MBD2: variants seen among roughly 807,000 people sequenced by gnomAD.
MBD2 encodes the protein methyl-CpG-binding domain protein 2.
A neutral mutation model predicts 39.3 loss-of-function variants in MBD2; 9 were observed. That is an observed-to-expected ratio of 0.23 (90% confidence interval 0.14 to 0.40). MBD2 has a LOEUF of 0.40. Among genes scored for constraint, MBD2 ranks in the 10% least tolerant of loss-of-function variants. The pLI, the probability that MBD2 is intolerant of heterozygous loss-of-function variation, is 1.00. For missense variants in MBD2, 458 were observed against 532.6 expected (o/e 0.86, Z 1.38); for synonymous variants, 233 against 211.1 (o/e 1.10, Z -0.90).
Position 54,151,883 on chromosome 18 carries a change from A to G in MBD2, c.*3441T>C, listed in dbSNP as rs986171581. On this transcript the variant is annotated 3_prime_UTR_variant, in exon 7 of 7. Transcript: ENST00000256429. ...GCCACCAAGGGCATTTCTTTCCTTTATAATACATACAGCTTCTAACACTTT... is the reference window on the plus strand; with the variant it reads ...GCCACCAAGGGCATTTCTTTCCTTTGTAATACATACAGCTTCTAACACTTT... 3.3e-5 allele frequency: 5 copies of G among 149,572 alleles called. No homozygotes were observed. Among genetic ancestry groups the G allele is most frequent in the African/African-American group, 1.2e-4 (5 of 40,896 alleles). The allele number at this position is 149,572 out of a possible 1,614,324, so 9.3% of individuals were successfully genotyped here.
At chr18:54,222,953 C>G (rs1240689392) in intron 1 of MBD2, among the ~76,000 whole-genome samples, 1 of 152,180 alleles carries the variant, frequency 6.6e-6, no homozygotes, top group Non-Finnish European at 1.5e-5. Flanking sequence ...TTGAAGAGGA[C>G]AGGAAATCCT....
intron 1 of MBD2, among the ~76,000 whole-genome samples, chr18:54,206,661 C>G (rs1237334826): frequency 1.3e-5 from 2 of 152,080 alleles, no homozygotes; most frequent in Non-Finnish European, 2.9e-5. Flanking sequence ...ACTGAAGATG[C>G]TATCAACATT....
At chr18:54,177,634 C>G (rs2086221501) in intron 3 of MBD2, among the ~76,000 whole-genome samples, 1 of 152,000 alleles carries the variant, frequency 6.6e-6, no homozygotes, top group Non-Finnish European at 1.5e-5. Context: ...GCGCCCGCCA[C>G]CACGCCCGGC....
intron 1 of MBD2, among the ~76,000 whole-genome samples, chr18:54,221,974 T>C (rs894813897): frequency 2.0e-5 from 3 of 152,102 alleles, no homozygotes; most frequent in African/African-American, 4.8e-5. Context: ...ACAAACCATA[T>C]CCCAGGAGAA....
At chr18:54,159,347 C>G (rs942752882) in intron 6 of MBD2, among the ~76,000 whole-genome samples, 5 of 151,940 alleles carry the variant, frequency 3.3e-5, no homozygotes, top group Non-Finnish European at 7.4e-5. Context: ...ATGCAGAACC[C>G]GAGCAGAGGA....
chr18:54,167,992 T>C (rs181713162), intron 3 of MBD2, among the ~76,000 whole-genome samples: 1 of 149,990 alleles, frequency 6.7e-6, no homozygotes, highest in African/African-American at 2.4e-5. Flanking sequence ...AAATTTCTAA[T>C]GACAAAGCAT....
intron 5 of MBD2, among the ~76,000 whole-genome samples, chr18:54,161,672 C>A (rs1335634891): frequency 6.6e-6 from 1 of 152,200 alleles, no homozygotes; most frequent in Non-Finnish European, 1.5e-5. Flanking sequence ...GCATTACTTT[C>A]CACATTTGTG....
At chr18:54,222,165 C>G (rs1480812852) in intron 1 of MBD2, 1 of 299,502 alleles carries the variant, frequency 3.3e-6, no homozygotes, top group Non-Finnish European at 6.8e-6. Flanking sequence ...AAACAGAATG[C>G]TCTGTTAATG....
chr18:54,185,604 C>T (rs1489869804), intron 3 of MBD2, among the ~76,000 whole-genome samples: 1 of 152,058 alleles, frequency 6.6e-6, no homozygotes, highest in Non-Finnish European at 1.5e-5. Context: ...TTGTTACCAG[C>T]AAAAATTACA....
In MBD2 at chr18:54,194,557, G is replaced by GTATATATATATATA. The variant is rs147119140; in HGVS notation, c.703-5560_703-5547dup. Among the ~76,000 whole-genome samples, 719 of 148,756 alleles carry GTATATATATATATA rather than the reference G, an allele frequency of 4.8e-3. 9 individuals carry two copies. The highest frequency in any genetic ancestry group is 0.017 in the African/African-American group (691 of 40,556). On this transcript the variant is annotated intron_variant, in intron 2 of 6. Coordinates refer to ENST00000256429, the MANE Select transcript of MBD2 (RefSeq NM_003927.5). Reference sequence around the variant, plus strand: ...ACATATATAGAAGTTGTGTGTGTGTGTATATATATATATATGTAGCTTAAT... The same window carrying GTATATATATATATA: ...ACATATATAGAAGTTGTGTGTGTGTGTATATATATATATATATATATATATATATGTAGCTTAAT...
intron 3 of MBD2, among the ~76,000 whole-genome samples, chr18:54,176,688 T>C (rs1430837967): frequency 6.6e-6 from 1 of 152,228 alleles, no homozygotes; most frequent in East Asian, 1.9e-4. Context: ...AATTGTCTAG[T>C]TATGGTCAGC....
At chr18:54,211,244 A>T (rs1405492991) in intron 1 of MBD2, among the ~76,000 whole-genome samples, 1 of 152,138 alleles carries the variant, frequency 6.6e-6, no homozygotes, top group African/African-American at 2.4e-5. Flanking sequence ...ATTCAACGAA[A>T]CATTTCCCTA....
At chr18:54,188,176 C>T (rs2086296983) in intron 3 of MBD2, among the ~76,000 whole-genome samples, 1 of 152,100 alleles carries the variant, frequency 6.6e-6, no homozygotes, top group Admixed American at 6.6e-5. Context: ...CATGAACTAC[C>T]TAGGCTTTTT....
At chr18:54,179,682 C>T (rs918809263) in intron 3 of MBD2, among the ~76,000 whole-genome samples, 7 of 152,040 alleles carry the variant, frequency 4.6e-5, no homozygotes, top group Non-Finnish European at 7.4e-5. Flanking sequence ...AATTTAATAT[C>T]CATTCATAAG....
At chr18:54,219,717 G>A (rs1270427900) in intron 1 of MBD2, among the ~76,000 whole-genome samples, 2 of 152,198 alleles carry the variant, frequency 1.3e-5, no homozygotes, top group East Asian at 3.8e-4. Flanking sequence ...AAGGTGAGGG[G>A]AGGAGCATGG....
chr18:54,180,777 GA>G (rs1458126626), intron 3 of MBD2, among the ~76,000 whole-genome samples: 3 of 151,088 alleles, frequency 2.0e-5, no homozygotes, highest in Non-Finnish European at 2.9e-5. Flanking sequence ...GTTACTTAGA[GA>G]AATAAAAAAA....
chr18:54,223,818 C>A, intron 1 of MBD2, among the ~76,000 whole-genome samples, 200 bp downstream of exon 1: 1 of 152,132 alleles, frequency 6.6e-6, no homozygotes, highest in Non-Finnish European at 1.5e-5. Context: ...TGCCCTCCTG[C>A]GGGCCCTCAC....
intron 3 of MBD2, among the ~76,000 whole-genome samples, chr18:54,175,255 T>A (rs1006278523): frequency 2.6e-5 from 4 of 152,248 alleles, no homozygotes; most frequent in African/African-American, 9.6e-5. Context: ...TTATTGTTTA[T>A]TTTAGACACC....
At chr18:54,222,915 G>A (rs1317018767) in intron 1 of MBD2, among the ~76,000 whole-genome samples, 1 of 152,202 alleles carries the variant, frequency 6.6e-6, no homozygotes, top group East Asian at 1.9e-4. Flanking sequence ...AGCATGGTAT[G>A]TGTACAGACA....
Sources: gnomAD v4.1 joint callset for allele counts (sites outside exome capture counted in the v4.1 genomes callset) on GRCh38, gnomAD v4.1.1 for gene constraint, MANE v1.5 for transcripts, NCBI Gene and HGNC (gene_info 2026-07-23, HGNC 2026-07-21) for gene names.